The following AMBRA1 variants were observed in gnomAD, a reference collection of about 807,000 sequenced individuals.
AMBRA1 encodes activating molecule in BECN1-regulated autophagy protein 1.
AMBRA1 carries 47 observed loss-of-function variants against 125.4 expected under a neutral mutation model. The observed-to-expected ratio is 0.37, with a 90% CI of 0.30 to 0.48. The LOEUF (loss-of-function observed/expected upper bound fraction) is 0.48. Ranked by LOEUF, AMBRA1 falls within the 20% of genes least tolerant of loss-of-function variation. The pLI, the probability that AMBRA1 is intolerant of heterozygous loss-of-function variation, is 0.99. For synonymous variants in AMBRA1, 626 were observed against 655.5 expected, an observed-to-expected ratio of 0.95 and a Z score of 0.69; for missense variants, 1,331 against 1,693.4, an observed-to-expected ratio of 0.79 and a Z score of 3.76.
chr11:46,545,507 C>T (rs1952975759), intron 5 of AMBRA1, 97 bp downstream of exon 5: 1 of 1,427,794 alleles, frequency 7.0e-7, no homozygotes, highest in Non-Finnish European at 9.5e-7. Context: ...TTGCCCTGAG[C>T]AGGGATAACA....
intron 17 of AMBRA1, 118 bp downstream of exon 17, chr11:46,408,395 A>C (rs1052452827): frequency 1.8e-5 from 21 of 1,143,288 alleles, no homozygotes; most frequent in Non-Finnish European, 2.2e-5. Flanking sequence ...GAGGCTCTTA[A>C]TGCCACCAGG....
chr11:46,447,155 C>T (rs1341599991), intron 11 of AMBRA1, among the ~76,000 whole-genome samples: 1 of 152,082 alleles, frequency 6.6e-6, no homozygotes. Flanking sequence ...ACGCCCATAA[C>T]CCCAGCACTT....
At chr11:46,495,375 C>A (rs1244753578) in intron 9 of AMBRA1, 1 of 152,166 alleles carries the variant, frequency 6.6e-6, no homozygotes, top group Non-Finnish European at 1.5e-5. Context: ...ACTTCACAAG[C>A]CAGAAACAAA....
chr11:46,459,705 C>A (rs1949012374), intron 11 of AMBRA1, among the ~76,000 whole-genome samples: 1 of 148,524 alleles, frequency 6.7e-6, no homozygotes, highest in Non-Finnish European at 1.5e-5. Flanking sequence ...AGCAAGACTC[C>A]ATCTCCCTCC....
At chr11:46,526,414 G>A (rs573967528) in intron 7 of AMBRA1, among the ~76,000 whole-genome samples, 8 of 151,708 alleles carry the variant, frequency 5.3e-5, no homozygotes, top group South Asian at 2.1e-4. Flanking sequence ...TGGGCCTACC[G>A]TTTTAAGAGA....
Position 46,397,481 on chromosome 11 carries a change from G to A in AMBRA1, c.3866C>T (p.Ala1289Val). 6.6e-7 allele frequency: 1 copy of A among 1,520,714 alleles called. No individual in the cohort carries two copies. Among genetic ancestry groups the A allele is most frequent in the Non-Finnish European group, 8.8e-7 (1 of 1,133,394 alleles). 94.2% of individuals were successfully genotyped at this position (1,520,714 alleles called of 1,614,324 possible). Residue 1289 changes from alanine to valine, a missense_variant, in exon 18 of 18, where the codon GCA (alanine) becomes GTA (valine). By Grantham distance (64) the Ala-to-Val change is moderately conservative. Around this residue, in one of 4 missense-constraint regions of AMBRA1, gnomAD observed 144 missense variants for 133.9 expected, o/e 1.08. Coordinates refer to ENST00000683756, the MANE Select transcript of AMBRA1 (RefSeq NM_001387011.1). ...LDGGSSRGDAAGPRGEPRNR is the reference protein window; with the variant it reads ...LDGGSSRGDAVGPRGEPRNR The stretch of plus-strand genomic sequence containing the variant: ...GTTCCGTGGTTCTCCCCTAGGGCCT[G>A]CAGCGTCCCCCCTGCTGCTGCCACC...
At chr11:46,552,141 G>C (rs1277694715) in intron 1 of AMBRA1, among the ~76,000 whole-genome samples, 1 of 151,326 alleles carries the variant, frequency 6.6e-6, no homozygotes, top group East Asian at 1.9e-4. Flanking sequence ...GGCCGAGGCA[G>C]GCAGATCACT....
chr11:46,510,728 G>C (rs905259633), intron 8 of AMBRA1, among the ~76,000 whole-genome samples: 1 of 152,098 alleles, frequency 6.6e-6, no homozygotes, highest in Non-Finnish European at 1.5e-5. Flanking sequence ...GTATATCCTA[G>C]CCTTGTCCTT....
rs561433112 is a variant in AMBRA1 at position 46,438,074 on chromosome 11, A to G, written c.2633-3037T>C. Reference sequence around the variant, plus strand: ...CCTGAGAAATGCGACCTTGTCAAATAATCCTTAGTCTGGGAGATGCATCTC... The same window carrying G: ...CCTGAGAAATGCGACCTTGTCAAATGATCCTTAGTCTGGGAGATGCATCTC... On this transcript the variant is annotated intron_variant, in intron 12 of 17. Transcript: ENST00000683756. 1.4e-4 allele frequency among the ~76,000 whole-genome samples: 22 copies of G among 152,348 alleles called. No homozygotes were observed. The South Asian group carries it at 4.1e-3, about 29-fold the overall frequency.
At chr11:46,400,579 C>G (rs1287854747) in intron 17 of AMBRA1, among the ~76,000 whole-genome samples, 2 of 140,408 alleles carry the variant, frequency 1.4e-5, no homozygotes, top group African/African-American at 2.6e-5. Context: ...GTAGCTTAGC[C>G]TCTTGGGTGC....
Position 46,400,473 on chromosome 11 carries a change from G to GTTTTTTTTT in AMBRA1, c.3404-2539_3404-2531dup, listed in dbSNP as rs553040136. On this transcript the variant is annotated intron_variant, in intron 17 of 17. Coordinates refer to ENST00000683756, the MANE Select transcript of AMBRA1 (RefSeq NM_001387011.1). ...CCTCATGCTTCTAGTTCTTTCTATA[G>GTTTTTTTTT]TTTTTTTTTTTTTTTTTTTTTTTTT... Among the ~76,000 whole-genome samples, 104 of 48,882 alleles carry GTTTTTTTTT rather than the reference G, an allele frequency of 2.1e-3. 39 individuals are homozygous for GTTTTTTTTT. The highest frequency in any genetic ancestry group is 2.9e-3 in the African/African-American group (45 of 15,490). 32.1% of individuals were successfully genotyped at this position (48,882 alleles called of 152,430 possible). A position where few individuals can be genotyped will look rare whatever the true frequency, so the allele number is the denominator to read the frequency against.
chr11:46,582,376 C>A (rs113130368), intron 1 of AMBRA1, among the ~76,000 whole-genome samples: 2 of 152,152 alleles, frequency 1.3e-5, no homozygotes, highest in African/African-American at 4.8e-5. Flanking sequence ...AATTCAGGTT[C>A]CCCTACTATA....
chr11:46,456,634 G>A (rs571246807), intron 11 of AMBRA1, among the ~76,000 whole-genome samples: 9 of 152,332 alleles, frequency 5.9e-5, no homozygotes, highest in Non-Finnish European at 1.2e-4. Context: ...TGAGACTCCC[G>A]CAGCTTTTAT....
intron 1 of AMBRA1, among the ~76,000 whole-genome samples, chr11:46,579,042 C>CAAAAAA (rs1458414244): frequency 1.3e-4 from 5 of 39,874 alleles, no homozygotes; most frequent in Non-Finnish European, 2.1e-4. Context: ...CACAAGAAAG[C>CAAAAAA]AATAAAAAAA....
intron 14 of AMBRA1, among the ~76,000 whole-genome samples, chr11:46,423,656 G>A (rs1039204215): frequency 1.3e-5 from 2 of 152,018 alleles, no homozygotes; most frequent in South Asian, 2.1e-4. Context: ...CTCCCAAAGT[G>A]CTGGGATTAC....
intron 1 of AMBRA1, among the ~76,000 whole-genome samples, chr11:46,559,688 A>C (rs1003218032): frequency 1.3e-5 from 2 of 152,220 alleles, no homozygotes; most frequent in African/African-American, 4.8e-5. Flanking sequence ...TAGGAGTATC[A>C]GTCAAGTTTA....
intron 11 of AMBRA1, chr11:46,491,492 A>G (rs1038080185): frequency 2.0e-5 from 3 of 152,208 alleles, no homozygotes; most frequent in Non-Finnish European, 2.9e-5. Flanking sequence ...TTTTGTTGCT[A>G]TATTATTATT....
At chr11:46,478,648 CTTTTTTTTTTTTTTTTTTTTTT>C (rs1949926464) in intron 11 of AMBRA1, among the ~76,000 whole-genome samples, 1 of 82,156 alleles carries the variant, frequency 1.2e-5, no homozygotes, top group Non-Finnish European at 2.1e-5. Flanking sequence ...TCTTTTTTCT[CTTTTTTTTTTTTTTTTTTTTTT>C]GGAGATGGAG....
At chr11:46,520,143 A>G (rs75625771) in intron 7 of AMBRA1, among the ~76,000 whole-genome samples, 3 of 150,244 alleles carry the variant, frequency 2.0e-5, no homozygotes, top group Non-Finnish European at 4.4e-5. Flanking sequence ...CCGCCTCGAA[A>G]AAAAAAAAAA....
Sources: allele counts gnomAD v4.1 joint callset (sites outside exome capture counted in the v4.1 genomes callset), GRCh38; gene constraint gnomAD v4.1.1; regional missense constraint gnomAD v4.1.1; transcripts MANE v1.5; gene names NCBI Gene and HGNC (gene_info 2026-07-23, HGNC 2026-07-21).